CNBD1: variants seen among roughly 807,000 people sequenced by gnomAD.
CNBD1 encodes cyclic nucleotide-binding domain-containing protein 1.
In CNBD1, 71 loss-of-function variants were observed where a neutral mutation model predicts 54.4. The observed-to-expected ratio is 1.30, with a 90% confidence interval of 1.08 to 1.59. CNBD1 has a LOEUF of 1.59. CNBD1 is among the 40% of genes most tolerant of loss of function. The pLI is 0.00. For synonymous variants in CNBD1, 182 were observed against 170.7 expected (o/e 1.07, Z -0.51); for missense variants, 659 against 518.0 (o/e 1.27, Z -2.64).
At chr8:87,209,228 A>T (rs575355208) in intron 5 of CNBD1, among the ~76,000 whole-genome samples, 1 of 152,214 alleles carries the variant, frequency 6.6e-6, no homozygotes, top group African/African-American at 2.4e-5. Context: ...AATTATTCTG[A>T]CACTCTTCCA....
chr8:87,025,689 C>T (rs893885284), intron 4 of CNBD1, among the ~76,000 whole-genome samples: 7 of 152,154 alleles, frequency 4.6e-5, no homozygotes, highest in Admixed American at 6.5e-5. Flanking sequence ...CAGACAACTC[C>T]GGACAGGCAA....
rs1487275102 is a variant in CNBD1, at chr8:87,164,269, G to C, written c.432-41724G>C. On this transcript the variant is annotated intron_variant, in intron 4 of 10. Transcript: ENST00000518476. ...GCCTGTAATTTTATTTTTTTGTAAA[G>C]TCTTTGTCTTTGCTATCAGGGTAAT... Among the ~76,000 whole-genome samples, 9 of 151,860 alleles carry C rather than the reference G, an allele frequency of 5.9e-5. No individual in the cohort carries two copies. The East Asian group carries it at 1.7e-3, about 29-fold the overall frequency.
At chr8:86,914,513 G>A (rs915276912) in intron 3 of CNBD1, among the ~76,000 whole-genome samples, 1 of 152,130 alleles carries the variant, frequency 6.6e-6, no homozygotes, top group African/African-American at 2.4e-5. Context: ...CCCAATGACA[G>A]AATTTCCAAA....
chr8:87,351,889 ATTAC>A (rs1810305078), intron 9 of CNBD1, 95 bp downstream of exon 9: 4 of 1,196,256 alleles, frequency 3.3e-6, no homozygotes, highest in East Asian at 3.3e-5. Context: ...ATTTATTTGT[ATTAC>A]TTTGTGAAAT....
intron 4 of CNBD1, among the ~76,000 whole-genome samples, chr8:87,186,212 T>C (rs988501609): frequency 2.6e-5 from 4 of 152,130 alleles, no homozygotes; most frequent in Admixed American, 6.6e-5. Context: ...CTATTTGATA[T>C]TCTTACTTGG....
At position 86,880,363 on chromosome 8, in the gene CNBD1, T is replaced by TA. The variant is rs200969287; in HGVS notation, c.89-7174dup. Among the ~76,000 whole-genome samples, 749 of 152,084 alleles carry TA rather than the reference T, an allele frequency of 4.9e-3. 6 individuals carry two copies. The highest frequency in any genetic ancestry group is 0.017 in the African/African-American group (706 of 41,474). ...AATAAAAAAAAACGTAATACTACAA[T>TA]AAAAATAACATAAAATACAAAACAA... On this transcript the variant is annotated intron_variant, in intron 1 of 10. Coordinates refer to ENST00000518476, the MANE Select transcript of CNBD1 (RefSeq NM_173538.3).
At chr8:87,378,700 G>A (rs1050539101) in intron 10 of CNBD1, among the ~76,000 whole-genome samples, 1 of 150,984 alleles carries the variant, frequency 6.6e-6, no homozygotes, top group South Asian at 2.1e-4. Flanking sequence ...GAAAGGCATT[G>A]GTAGCTTGAT....
chr8:87,332,362 AAAAAG>A (rs1809854230), intron 8 of CNBD1, among the ~76,000 whole-genome samples: 1 of 152,008 alleles, frequency 6.6e-6, no homozygotes, highest in Middle Eastern at 3.4e-3. Context: ...AAAAAAAAAA[AAAAAG>A]AAACTCTTTA....
chr8:87,416,924 C>G (rs1807846934), intron 2 of CNBD1, among the ~76,000 whole-genome samples: 1 of 151,882 alleles, frequency 6.6e-6, no homozygotes, highest in African/African-American at 2.4e-5. Flanking sequence ...AAACCATGTC[C>G]AAATAGAATT....
chr8:87,398,497 A>T (rs1193363940), intron 2 of CNBD1, among the ~76,000 whole-genome samples: 2 of 151,954 alleles, frequency 1.3e-5, no homozygotes, highest in Admixed American at 1.3e-4. Context: ...ACCTGCATAA[A>T]AATATACATT....
intron 8 of CNBD1, among the ~76,000 whole-genome samples, chr8:87,346,339 G>A (rs1011707311): frequency 6.6e-6 from 1 of 151,958 alleles, no homozygotes; most frequent in Non-Finnish European, 1.5e-5. Context: ...ACCGTGCCTG[G>A]CCATTATACT....
intron 4 of CNBD1, among the ~76,000 whole-genome samples, chr8:87,154,036 C>G (rs1812662423): frequency 6.6e-6 from 1 of 152,156 alleles, no homozygotes; most frequent in African/African-American, 2.4e-5. Flanking sequence ...AGGCAGGCGG[C>G]AGGCAGCAGG....
chr8:87,175,361 G>T (rs557918589), intron 4 of CNBD1, among the ~76,000 whole-genome samples: 2 of 152,322 alleles, frequency 1.3e-5, no homozygotes, highest in Admixed American at 1.3e-4. Flanking sequence ...CTTATCTGAA[G>T]TCAGCACATC....
intron 4 of CNBD1, among the ~76,000 whole-genome samples, chr8:87,102,623 T>C (rs1421140031): frequency 1.3e-5 from 2 of 152,132 alleles, no homozygotes; most frequent in East Asian, 3.9e-4. Context: ...TTGTTGTTTG[T>C]TTGTTTTTGA....
chr8:87,421,640 T>C (rs1443126909), intron 2 of CNBD1, among the ~76,000 whole-genome samples: 2 of 151,990 alleles, frequency 1.3e-5, no homozygotes, highest in Non-Finnish European at 2.9e-5. Context: ...TTCCACGGTG[T>C]ATATGTGCCA....
chr8:86,870,189 C>CCTTTTTTTTTTTTTTT (rs1554626453), intron 1 of CNBD1, among the ~76,000 whole-genome samples: 3,458 of 100,432 alleles, frequency 0.034, 282 homozygotes, highest in African/African-American at 0.11. Context: ...AGATAGTACT[C>CCTTTTTTTTTTTTTTT]TTTTTTTTTT....
intron 8 of CNBD1, among the ~76,000 whole-genome samples, chr8:87,322,778 T>G (rs879383273): frequency 0.013 from 1,218 of 90,422 alleles, 83 homozygotes; most frequent in African/African-American, 0.049. Context: ...GATGGTAGTT[T>G]CTTTTGCTGT....
At chr8:86,957,770 C>CA (rs1164339159) in intron 4 of CNBD1, among the ~76,000 whole-genome samples, 4 of 151,968 alleles carry the variant, frequency 2.6e-5, no homozygotes, top group Non-Finnish European at 2.9e-5. Context: ...TTGATCTTTT[C>CA]AAAAAACCAG....
rs1425793024 is a variant in CNBD1, at chr8:87,098,823, G to A, written c.432-107170G>A. ...GAGGCCGAGGCGGGTGGATCATGAG[G>A]TCAGGAGTTTGAGACCAGCCTGGCA... On this transcript the variant is annotated intron_variant, in intron 4 of 10. Coordinates refer to ENST00000518476, the MANE Select transcript of CNBD1 (RefSeq NM_173538.3). 1.3e-5 allele frequency among the ~76,000 whole-genome samples: 2 copies of A among 151,220 alleles called. 1 individual carries two copies. The highest frequency in any genetic ancestry group is 4.2e-4 in the South Asian group (2 of 4,788).
Sources: allele counts gnomAD v4.1 joint callset (sites outside exome capture counted in the v4.1 genomes callset), GRCh38; gene constraint gnomAD v4.1.1; transcripts MANE v1.5; gene names NCBI Gene and HGNC (gene_info 2026-07-23, HGNC 2026-07-21).